AUTS2: variants seen among roughly 807,000 people sequenced by gnomAD.
AUTS2 encodes the protein autism susceptibility gene 2 protein.
Under a neutral mutation model 112.4 loss-of-function variants are expected in AUTS2, and 17 were observed. The ratio of observed to expected loss-of-function variants is 0.15; its 90% CI spans 0.10 to 0.23. AUTS2 has a LOEUF of 0.23. Among genes scored for constraint, AUTS2 ranks in the 10% least tolerant of loss-of-function variants. The pLI is 1.00. For synonymous variants in AUTS2, 751 were observed against 702.7 expected (o/e 1.07, Z -1.09); for missense variants, 1,510 against 1,701.6 (o/e 0.89, Z 1.98).
rs1004358316 is a variant in AUTS2 at position 70,631,519 on chromosome 7, C to T, written c.691-67050C>T. 3.3e-5 allele frequency among the ~76,000 whole-genome samples: 5 copies of T among 152,056 alleles called. No individual in the cohort carries two copies. The highest frequency in any genetic ancestry group is 6.5e-5 in the Admixed American group (1 of 15,274). ...ACCGTGGGGGACGGGGTGGTCGCAA[C>T]CTAGAATGTGGGCTGGAGAGCGCTG... On this transcript the variant is annotated intron_variant, in intron 5 of 18. Coordinates refer to ENST00000342771, the MANE Select transcript of AUTS2 (RefSeq NM_015570.4). The surrounding 1 kb of genome is among the most constrained non-coding windows in gnomAD (Gnocchi z 4.5).
intron 4 of AUTS2, among the ~76,000 whole-genome samples, chr7:70,279,368 A>G (rs906379550): frequency 3.3e-5 from 5 of 152,238 alleles, no homozygotes; most frequent in African/African-American, 1.2e-4. Flanking sequence ...CTCCCTGCAG[A>G]AATGAATTCA....
At chr7:69,781,398 G>A (rs1789137999) in intron 1 of AUTS2, among the ~76,000 whole-genome samples, 1 of 152,242 alleles carries the variant, frequency 6.6e-6, no homozygotes, top group Non-Finnish European at 1.5e-5. Flanking sequence ...CCAAGAAGGA[G>A]CGCTCAGCAG....
chr7:70,078,562 C>G (rs963918391), intron 2 of AUTS2, among the ~76,000 whole-genome samples: 1 of 152,194 alleles, frequency 6.6e-6, no homozygotes, highest in Non-Finnish European at 1.5e-5. Context: ...CTACCATGCT[C>G]TACCTACCTC....
intron 4 of AUTS2, among the ~76,000 whole-genome samples, chr7:70,321,693 A>G (rs997233852): frequency 6.6e-6 from 1 of 152,190 alleles, no homozygotes. Context: ...AATGTAGTTG[A>G]CCAGATAAAT....
At chr7:70,481,130 G>A (rs1208093365) in intron 5 of AUTS2, among the ~76,000 whole-genome samples, 2 of 152,186 alleles carry the variant, frequency 1.3e-5, no homozygotes, top group African/African-American at 4.8e-5. Context: ...ATAGTTCTGA[G>A]CAGGGAAGGG....
At position 69,805,863 on chromosome 7, in the gene AUTS2, C is replaced by G. The variant is rs535504911; in HGVS notation, c.310-93423C>G. Among the ~76,000 whole-genome samples the G allele has an allele frequency of 8.5e-5, 13 of 152,194 alleles. No individual in the cohort carries two copies. The South Asian group carries it at 2.3e-3, about 27-fold the overall frequency. On this transcript the variant is annotated intron_variant, in intron 1 of 18. Coordinates refer to ENST00000342771, the MANE Select transcript of AUTS2 (RefSeq NM_015570.4). ...TCTTTCTCCTGACTGAATCTCACAC[C>G]AAGGTCCCTTTTTATTTTTAATTGT...
chr7:69,783,807 G>A (rs1400504792), intron 1 of AUTS2, among the ~76,000 whole-genome samples: 1 of 152,152 alleles, frequency 6.6e-6, no homozygotes, highest in African/African-American at 2.4e-5. Flanking sequence ...AGAACGGACT[G>A]TTTTTGATCA....
intron 1 of AUTS2, among the ~76,000 whole-genome samples, chr7:69,759,269 G>A (rs1788066390): frequency 6.6e-6 from 1 of 151,770 alleles, no homozygotes; most frequent in South Asian, 2.1e-4. Flanking sequence ...TTTTTTCCGA[G>A]TTTGAAACAT....
chr7:70,277,480 G>A (rs184550756), intron 4 of AUTS2, among the ~76,000 whole-genome samples: 217 of 152,228 alleles, frequency 1.4e-3, no homozygotes, highest in Non-Finnish European at 6.6e-4. Flanking sequence ...GAAACTGCAT[G>A]TTAAGATGTG....
intron 5 of AUTS2, among the ~76,000 whole-genome samples, chr7:70,456,988 C>T (rs1236831685): frequency 1.3e-5 from 2 of 152,210 alleles, no homozygotes; most frequent in African/African-American, 4.8e-5. Context: ...TCATCTTCAT[C>T]TCCACCCCCA....
rs113216696 is a variant in AUTS2 at position 70,351,137 on chromosome 7, G to A, written c.661-84615G>A. Among the ~76,000 whole-genome samples the A allele has an allele frequency of 6.3e-3, 940 of 149,362 alleles. 11 individuals carry two copies. The highest frequency in any genetic ancestry group is 0.021 in the African/African-American group (871 of 40,540). On this transcript the variant is annotated intron_variant, in intron 4 of 18. Transcript: ENST00000342771. Reference sequence around the variant, plus strand: ...ACAATCTCGGCTCACTGCAACCTCCGCCTTCCAGGCTCAAGCGATTCTCCT... The same window carrying A: ...ACAATCTCGGCTCACTGCAACCTCCACCTTCCAGGCTCAAGCGATTCTCCT...
At chr7:70,446,200 T>C (rs1017155581) in intron 5 of AUTS2, among the ~76,000 whole-genome samples, 37 of 152,244 alleles carry the variant, frequency 2.4e-4, no homozygotes, top group Admixed American at 2.0e-3. Context: ...TTTTCTTTTT[T>C]AACAGCAAAT....
chr7:69,663,647 G>A lies in AUTS2; in HGVS notation c.309+63685G>A, dbSNP rs141718318. ...TTTCTGAAGCTTGATAAACTATAAAGCCTTGAGTATTCAGGTTCATGGCAA... is the reference window on the plus strand; with the variant it reads ...TTTCTGAAGCTTGATAAACTATAAAACCTTGAGTATTCAGGTTCATGGCAA... On this transcript the variant is annotated intron_variant, in intron 1 of 18. Coordinates refer to ENST00000342771, the MANE Select transcript of AUTS2 (RefSeq NM_015570.4). Among the ~76,000 whole-genome samples, 3 of 152,266 alleles carry A rather than the reference G, an allele frequency of 2.0e-5. No homozygotes were observed. In the East Asian group the frequency reaches 5.8e-4, roughly 29 times the overall value.
chr7:70,572,251 C>T (rs1048356880), intron 5 of AUTS2, among the ~76,000 whole-genome samples: 7 of 151,764 alleles, frequency 4.6e-5, no homozygotes, highest in South Asian at 2.1e-4. Flanking sequence ...CAGATGCAGA[C>T]GAGGTGGGAG....
At chr7:70,534,987 G>T (rs1800255443) in intron 5 of AUTS2, among the ~76,000 whole-genome samples, 1 of 144,320 alleles carries the variant, frequency 6.9e-6, no homozygotes, top group African/African-American at 2.6e-5. Flanking sequence ...TGCCAAGTAA[G>T]AATTTTTTTA....
chr7:69,949,984 T>C (rs1411658836), intron 2 of AUTS2, among the ~76,000 whole-genome samples: 1 of 152,202 alleles, frequency 6.6e-6, no homozygotes, highest in African/African-American at 2.4e-5. Flanking sequence ...AGGAAGGTCA[T>C]TGCAGCATTA....
At chr7:70,044,917 A>G (rs1469032261) in intron 2 of AUTS2, among the ~76,000 whole-genome samples, 1 of 149,748 alleles carries the variant, frequency 6.7e-6, no homozygotes, top group African/African-American at 2.5e-5. Flanking sequence ...ATGTTTTTAA[A>G]GAAACCCATA....
At chr7:70,481,301 G>A (rs1478678783) in intron 5 of AUTS2, among the ~76,000 whole-genome samples, 1 of 152,206 alleles carries the variant, frequency 6.6e-6, no homozygotes, top group African/African-American at 2.4e-5. Flanking sequence ...AAGGGAGGCC[G>A]AAGTTGGTGC....
At chr7:69,922,805 G>A (rs910003864) in intron 2 of AUTS2, among the ~76,000 whole-genome samples, 2 of 152,150 alleles carry the variant, frequency 1.3e-5, no homozygotes, top group Non-Finnish European at 2.9e-5. Flanking sequence ...GAAAGCATGA[G>A]GAGGCAGTAT....
Sources: allele counts gnomAD v4.1 joint callset (sites outside exome capture counted in the v4.1 genomes callset), GRCh38; gene constraint gnomAD v4.1.1; non-coding constraint Gnocchi (gnomAD v3.1); transcripts MANE v1.5; gene names NCBI Gene and HGNC (gene_info 2026-07-23, HGNC 2026-07-21).